The following KCND2 variants were observed in gnomAD, a reference collection of about 807,000 sequenced individuals.
The protein encoded by KCND2 is potassium voltage-gated channel subfamily D member 2, also known as A-type voltage-gated potassium channel KCND2.
KCND2 carries 16 observed loss-of-function variants against 54.4 expected under a neutral mutation model. The ratio of observed to expected loss-of-function variants is 0.29; its 90% CI spans 0.20 to 0.45. KCND2 has a LOEUF of 0.45. KCND2 is among the 20% of genes least tolerant of loss of function. KCND2 has a pLI of 1.00. For synonymous variants in KCND2, 317 were observed against 310.7 expected (o/e 1.02, Z -0.21); for missense variants, 486 against 824.2 (o/e 0.59, Z 5.02).
At chr7:120,281,246 A>G (rs532907090) in intron 1 of KCND2, among the ~76,000 whole-genome samples, 8 of 152,214 alleles carry the variant, frequency 5.3e-5, no homozygotes, top group African/African-American at 1.4e-4. Context: ...TAAAGTTGTG[A>G]TAATGAATTC....
intron 1 of KCND2, among the ~76,000 whole-genome samples, chr7:120,652,083 CT>C (rs375071156): frequency 0.18 from 26,674 of 146,104 alleles, 2,765 homozygotes; most frequent in African/African-American, 0.29. Context: ...TTTTTTTTTC[CT>C]TTTTTTTTTT....
chr7:120,337,390 G>A (rs1442475291), intron 1 of KCND2, among the ~76,000 whole-genome samples: 2 of 152,082 alleles, frequency 1.3e-5, no homozygotes, highest in African/African-American at 4.8e-5. Flanking sequence ...AAAACATCAG[G>A]GCCTAGCAAA....
chr7:120,583,784 TG>T (rs36108636), intron 1 of KCND2, among the ~76,000 whole-genome samples: 103,845 of 142,672 alleles, frequency 0.73, 38,189 homozygotes, highest in Middle Eastern at 0.88. Flanking sequence ...ATAGGAATTG[TG>T]GGGGGGGGGA....
chr7:120,668,575 A>G (rs1336277208), intron 1 of KCND2, among the ~76,000 whole-genome samples: 1 of 152,106 alleles, frequency 6.6e-6, no homozygotes, highest in Non-Finnish European at 1.5e-5. Flanking sequence ...TAGTAAAATT[A>G]CATTGCATCA....
chr7:120,318,371 C>T (rs1036654025), intron 1 of KCND2, among the ~76,000 whole-genome samples: 1 of 152,080 alleles, frequency 6.6e-6, no homozygotes, highest in Non-Finnish European at 1.5e-5. Context: ...ATCCTAGGCT[C>T]TTTCAGAAAT....
At chr7:120,710,597 A>G (rs757225876) in intron 1 of KCND2, among the ~76,000 whole-genome samples, 7 of 152,218 alleles carry the variant, frequency 4.6e-5, no homozygotes, top group South Asian at 2.1e-4. Context: ...TTCAGAAAGC[A>G]TATGTTCTAG....
intron 1 of KCND2, among the ~76,000 whole-genome samples, chr7:120,380,843 T>G (rs971145758): frequency 6.6e-6 from 1 of 152,122 alleles, no homozygotes; most frequent in Admixed American, 6.6e-5. Context: ...AGTGTTCATA[T>G]TTATGTGTTA....
At chr7:120,392,191 T>C (rs1328709846) in intron 1 of KCND2, among the ~76,000 whole-genome samples, 1 of 152,084 alleles carries the variant, frequency 6.6e-6, no homozygotes, top group Non-Finnish European at 1.5e-5. Context: ...ACATTGCTTG[T>C]TTTTGTCAGG....
At chr7:120,630,746 G>T (rs1220303003) in intron 1 of KCND2, among the ~76,000 whole-genome samples, 1 of 152,018 alleles carries the variant, frequency 6.6e-6, no homozygotes, top group Non-Finnish European at 1.5e-5. Flanking sequence ...TTCACAATTT[G>T]GCTTTCTAAG....
At chr7:120,656,745 T>C (rs1230718884) in intron 1 of KCND2, among the ~76,000 whole-genome samples, 3 of 152,218 alleles carry the variant, frequency 2.0e-5, no homozygotes, top group Admixed American at 1.3e-4. Flanking sequence ...TAAGCAGGAA[T>C]GTTTTTCACT....
chr7:120,304,327 T>C (rs1193481545), intron 1 of KCND2, among the ~76,000 whole-genome samples: 1 of 152,156 alleles, frequency 6.6e-6, no homozygotes, highest in African/African-American at 2.4e-5. Flanking sequence ...ACACAGAATA[T>C]GTAATGACCT....
At chr7:120,717,122 A>G (rs1320710698) in intron 1 of KCND2, among the ~76,000 whole-genome samples, 4 of 152,128 alleles carry the variant, frequency 2.6e-5, no homozygotes, top group African/African-American at 9.7e-5. Context: ...TAAAATACCT[A>G]CATCATGAGA....
At chr7:120,623,393 CT>C (rs1793127483) in intron 1 of KCND2, among the ~76,000 whole-genome samples, 1 of 152,166 alleles carries the variant, frequency 6.6e-6, no homozygotes, top group Non-Finnish European at 1.5e-5. Context: ...TACATTCAGT[CT>C]GCTGTGATTA....
At chr7:120,676,199 T>C (rs971760911) in intron 1 of KCND2, among the ~76,000 whole-genome samples, 3 of 152,234 alleles carry the variant, frequency 2.0e-5, no homozygotes, top group Admixed American at 6.5e-5. Flanking sequence ...CAAATGGCTG[T>C]TGTTTAATTA....
At chr7:120,577,630 G>T (rs558555505) in intron 1 of KCND2, among the ~76,000 whole-genome samples, 1 of 152,200 alleles carries the variant, frequency 6.6e-6, no homozygotes, top group Non-Finnish European at 1.5e-5. Context: ...TTGTCACCCA[G>T]GCTGGAGTGC....
chr7:120,454,355 A>T (rs971533104), intron 1 of KCND2, among the ~76,000 whole-genome samples: 1 of 152,144 alleles, frequency 6.6e-6, no homozygotes. Flanking sequence ...ACACAATTAG[A>T]AATGACAAAG....
At chr7:120,674,773 A>T (rs1213881037) in intron 1 of KCND2, among the ~76,000 whole-genome samples, 1 of 152,262 alleles carries the variant, frequency 6.6e-6, no homozygotes, top group East Asian at 1.9e-4. Context: ...CATAAGGCCA[A>T]GGTCCTCAAA....
chr7:120,351,429 C>G (rs1390831488), intron 1 of KCND2, among the ~76,000 whole-genome samples: 2 of 150,762 alleles, frequency 1.3e-5, no homozygotes, highest in African/African-American at 2.4e-5. Flanking sequence ...CTCTCTCTCT[C>G]TCTCTCACAT....
At chr7:120,418,996 G>A (rs1355259236) in intron 1 of KCND2, among the ~76,000 whole-genome samples, 2 of 152,088 alleles carry the variant, frequency 1.3e-5, no homozygotes, top group African/African-American at 4.8e-5. Flanking sequence ...ATTGAGTCAG[G>A]AAACCCTTAC....
Sources: allele counts gnomAD v4.1 joint callset (sites outside exome capture counted in the v4.1 genomes callset), GRCh38; gene constraint gnomAD v4.1.1; transcripts MANE v1.5; gene names NCBI Gene and HGNC (gene_info 2026-07-23, HGNC 2026-07-21).